KANSL1: variants seen among roughly 807,000 people sequenced by gnomAD.
KANSL1 encodes the protein MLL1/MLL complex subunit KANSL1.
KANSL1 carries 22 observed loss-of-function variants against 103.6 expected under a neutral mutation model. The ratio of observed to expected loss-of-function variants is 0.21; its 90% CI spans 0.15 to 0.30. The LOEUF is 0.30. Among genes scored for constraint, KANSL1 ranks in the 10% least tolerant of loss-of-function variants. The probability of loss-of-function intolerance (pLI) is 1.00; values close to 1 mark genes in which losing one functional copy is unlikely to be tolerated. For missense variants in KANSL1, 1,337 were observed against 1,399.8 expected (o/e 0.96, Z 0.72); for synonymous variants, 600 against 527.6 (o/e 1.14, Z -1.88).
chr17:46,132,553 C>G (rs3089), intron 2 of KANSL1, among the ~76,000 whole-genome samples: 21,673 of 151,998 alleles, frequency 0.14, 2,123 homozygotes, highest in Non-Finnish European at 0.22. Flanking sequence ...ATTATCAAAT[C>G]TGCGCCCAGT....
At chr17:46,046,840 T>TAAAAAA (rs36102082) in intron 7 of KANSL1, among the ~76,000 whole-genome samples, 11 of 118,678 alleles carry the variant, frequency 9.3e-5, no homozygotes, top group Non-Finnish European at 1.0e-4. Flanking sequence ...GTCTCAAAAG[T>TAAAAAA]AAAAAAAAAA....
chr17:46,141,906 T>C (rs1037957488), intron 2 of KANSL1, among the ~76,000 whole-genome samples: 11 of 152,220 alleles, frequency 7.2e-5, no homozygotes, highest in Non-Finnish European at 1.5e-4. Context: ...TCTCTTTTTT[T>C]CAGACAAGTC....
intron 1 of KANSL1, among the ~76,000 whole-genome samples, chr17:46,208,156 T>G (rs1376981780): frequency 6.6e-6 from 1 of 151,944 alleles, no homozygotes; most frequent in South Asian, 2.1e-4. Context: ...TTGTTAAAGA[T>G]AAATACACGA....
intron 2 of KANSL1, among the ~76,000 whole-genome samples, chr17:46,106,699 A>G (rs752533319): frequency 1.3e-5 from 2 of 152,202 alleles, no homozygotes; most frequent in South Asian, 2.1e-4. Context: ...AGCTGAGACC[A>G]TATTTTCAGA....
chr17:46,096,311 C>CTTTCTTTCT (rs753073992), intron 2 of KANSL1, among the ~76,000 whole-genome samples: 1 of 76,408 alleles, frequency 1.3e-5, no homozygotes, highest in Non-Finnish European at 2.5e-5. Context: ...GCTTTTTTTT[C>CTTTCTTTCT]TTTTTTTTTT....
chr17:46,176,064 G>A (rs2046505406), intron 1 of KANSL1, among the ~76,000 whole-genome samples: 1 of 152,168 alleles, frequency 6.6e-6, no homozygotes, highest in Non-Finnish European at 1.5e-5. Flanking sequence ...ATATGTAGTT[G>A]ATATGAGCAA....
chr17:46,033,031 T>A, intron 13 of KANSL1, 49 bp downstream of exon 13: 1 of 1,441,436 alleles, frequency 6.9e-7, no homozygotes, highest in East Asian at 2.5e-5. Context: ...CCAAACTCCC[T>A]GTCCACCCTC....
chr17:46,172,509 G>A (rs994638720), intron 1 of KANSL1, among the ~76,000 whole-genome samples: 3 of 152,000 alleles, frequency 2.0e-5, no homozygotes, highest in Non-Finnish European at 4.4e-5. Flanking sequence ...TCGATTCAGA[G>A]AAAATCACAG....
At chr17:46,129,652 T>C (rs1049332228) in intron 2 of KANSL1, among the ~76,000 whole-genome samples, 20 of 152,192 alleles carry the variant, frequency 1.3e-4, no homozygotes, top group Non-Finnish European at 1.8e-4. Flanking sequence ...GCAAGCAAAG[T>C]CTGTTAAAGG....
chr17:46,033,969 G>A (rs767493026), intron 11 of KANSL1, among the ~76,000 whole-genome samples, 192 bp downstream of exon 11: 5 of 152,220 alleles, frequency 3.3e-5, no homozygotes, highest in Non-Finnish European at 5.9e-5. Flanking sequence ...CTGCTGGTTC[G>A]TTTGGTGTAT....
chr17:46,119,323 CTT>C (rs142510572), intron 2 of KANSL1, among the ~76,000 whole-genome samples: 21,362 of 143,718 alleles, frequency 0.15, 2,047 homozygotes, highest in Middle Eastern at 0.22. Context: ...TTTTCTTTTT[CTT>C]TTTTTTTTTT....
rs558812056 is a variant in KANSL1 at position 46,193,143 on chromosome 17, G to T, written c.-410C>A. On this transcript the variant is annotated 5_prime_UTR_variant, in exon 1 of 15. Coordinates refer to ENST00000432791, the MANE Select transcript of KANSL1 (RefSeq NM_015443.4). Reference sequence around the variant, plus strand: ...AGACCGCAGCCCGGCCGGGAGGGCGGGCGGGCGGGGGCAGAGAGTGAAACC... The same window carrying T: ...AGACCGCAGCCCGGCCGGGAGGGCGTGCGGGCGGGGGCAGAGAGTGAAACC... 6.6e-6 allele frequency: 1 copy of T among 152,392 alleles called. No homozygotes were observed. Among genetic ancestry groups the T allele is most frequent in the Non-Finnish European group, 1.5e-5 (1 of 68,448 alleles). 9.4% of individuals were successfully genotyped at this position (152,392 alleles called of 1,614,324 possible).
intron 1 of KANSL1, among the ~76,000 whole-genome samples, chr17:46,172,854 C>T (rs958802093): frequency 1.3e-5 from 2 of 152,224 alleles, no homozygotes; most frequent in African/African-American, 4.8e-5. Flanking sequence ...TGGCTTCTTC[C>T]TCTCAGCCTA....
At chr17:46,207,719 T>C (rs1234713438) in intron 1 of KANSL1, among the ~76,000 whole-genome samples, 1 of 152,266 alleles carries the variant, frequency 6.6e-6, no homozygotes, top group African/African-American at 2.4e-5. Context: ...GGATCAGGCC[T>C]GTAATCCCAA....
rs748677942 is a variant in KANSL1, at chr17:46,171,582, GAGC to G, written c.559_561del (p.Ala187del). 3.1e-6 allele frequency: 5 copies of G among 1,601,750 alleles called. No individual in the cohort carries two copies. In the South Asian group the frequency reaches 5.6e-5, roughly 18 times the overall value. On this transcript the variant is annotated inframe_deletion, in exon 2 of 15. Coordinates refer to ENST00000432791, the MANE Select transcript of KANSL1 (RefSeq NM_015443.4). ...GATCCTCCCATTTCACCCCCATGAA[GAGC>G]AGATGAAGTGAGAGCCCGTTTTCCC...
intron 2 of KANSL1, among the ~76,000 whole-genome samples, chr17:46,138,956 C>A (rs1406072): frequency 0.14 from 21,591 of 151,634 alleles, 1,757 homozygotes; most frequent in East Asian, 0.46. Flanking sequence ...ACTCAACTAC[C>A]CCCAGTGGCT....
At chr17:46,055,589 C>G (rs1234854883) in intron 6 of KANSL1, among the ~76,000 whole-genome samples, 2 of 151,662 alleles carry the variant, frequency 1.3e-5, no homozygotes, top group Non-Finnish European at 2.9e-5. Flanking sequence ...CAAATTAATG[C>G]AGAATCTTAA....
At chr17:46,195,718 G>A (rs753324796), upstream of KANSL1, among the ~76,000 whole-genome samples, 1 of 152,146 alleles carries the variant, frequency 6.6e-6, no homozygotes, top group African/African-American at 2.4e-5. Flanking sequence ...ATGCCCAGCT[G>A]TTATTTTTTT....
rs1404017743 is a variant in KANSL1, at chr17:46,031,207, A to C, written c.*269T>G. ...GTCCAGTGATTCAACAGTGCAGAGG[A>C]TGTGCCAGGACCAGGCCAGCAGGGT... On this transcript the variant is annotated 3_prime_UTR_variant, in exon 15 of 15. Transcript: ENST00000432791. The C allele has an allele frequency of 1.8e-6, 1 of 559,880 alleles. No homozygotes were observed. The allele number at this position is 559,880 out of a possible 1,614,324, so 34.7% of individuals were successfully genotyped here.
Sources: gnomAD v4.1 joint callset for allele counts (sites outside exome capture counted in the v4.1 genomes callset) on GRCh38, gnomAD v4.1.1 for gene constraint, MANE v1.5 for transcripts, NCBI Gene and HGNC (gene_info 2026-07-23, HGNC 2026-07-21) for gene names.